JARID2: variants seen among roughly 807,000 people sequenced by gnomAD.
JARID2 encodes jumonji and AT-rich interaction domain containing 2.
JARID2 carries 21 observed loss-of-function variants against 125.6 expected under a neutral mutation model. The ratio of observed to expected loss-of-function variants is 0.17; its 90% CI spans 0.12 to 0.24. JARID2 has a LOEUF of 0.24. JARID2 is among the 10% of genes least tolerant of loss of function. The probability of loss-of-function intolerance (pLI) is 1.00; values close to 1 mark genes in which losing one functional copy is unlikely to be tolerated. For synonymous variants in JARID2, 736 were observed against 661.6 expected (o/e 1.11, Z -1.73); for missense variants, 1,303 against 1,639.6 (o/e 0.79, Z 3.55).
chr6:15,349,221 T>G (rs1763346636), intron 1 of JARID2, among the ~76,000 whole-genome samples: 1 of 152,180 alleles, frequency 6.6e-6, no homozygotes. Context: ...CTAATTGCTA[T>G]ATTAGGTTTT....
At chr6:15,464,834 A>G (rs1768633638) in intron 4 of JARID2, among the ~76,000 whole-genome samples, 1 of 152,184 alleles carries the variant, frequency 6.6e-6, no homozygotes, top group Admixed American at 6.5e-5. Flanking sequence ...TTACCTGAAT[A>G]GAAGCAGAAT....
chr6:15,421,110 C>T (rs1288961829), intron 3 of JARID2, among the ~76,000 whole-genome samples: 7 of 152,096 alleles, frequency 4.6e-5, no homozygotes, highest in East Asian at 1.9e-4. Flanking sequence ...TTCTCAACCC[C>T]GGCTCTGCTT....
In JARID2 at chr6:15,266,740, G is replaced by A. The variant is rs535268526; in HGVS notation, c.45+20156G>A. On this transcript the variant is annotated intron_variant, in intron 1 of 17. Transcript: ENST00000341776. ...CAGGGTGAGAAACAGCTTTGTGGAC[G>A]CATATCTGATTGTGTGTGTTTGTTA... Among the ~76,000 whole-genome samples the A allele has an allele frequency of 2.0e-5, 3 of 152,264 alleles. No homozygotes were observed. In the South Asian group the frequency reaches 6.2e-4, roughly 32 times the overall value.
chr6:15,486,965 C>G (rs1227406435), intron 5 of JARID2, among the ~76,000 whole-genome samples: 1 of 152,008 alleles, frequency 6.6e-6, no homozygotes, highest in East Asian at 2.0e-4. Flanking sequence ...TAAGTGGACT[C>G]ACAGGTCCGC....
At chr6:15,483,273 T>C (rs1338759295) in intron 5 of JARID2, among the ~76,000 whole-genome samples, 1 of 152,206 alleles carries the variant, frequency 6.6e-6, no homozygotes, top group East Asian at 1.9e-4. Flanking sequence ...ATAGGAGAAG[T>C]GCTTTATGTG....
In JARID2 at chr6:15,369,077, G is replaced by T. The variant is rs145887088; in HGVS notation, c.46-5040G>T. The stretch of plus-strand genomic sequence containing the variant: ...GTCAGCTGTGGAGAGTTGTTACATG[G>T]TGTTGTCTGATAAAAGGCATGTGAT... On this transcript the variant is annotated intron_variant, in intron 1 of 17. Transcript: ENST00000341776. Among the ~76,000 whole-genome samples the T allele has an allele frequency of 9.2e-5, 14 of 152,104 alleles. No individual in the cohort carries two copies. The East Asian group carries it at 2.5e-3, about 27-fold the overall frequency.
intron 3 of JARID2, among the ~76,000 whole-genome samples, chr6:15,441,216 A>G (rs910990884): frequency 1.3e-5 from 2 of 152,192 alleles, no homozygotes; most frequent in Non-Finnish European, 2.9e-5. Context: ...GTATATTCCT[A>G]GATGTTTTCC....
intron 2 of JARID2, among the ~76,000 whole-genome samples, chr6:15,378,575 TAAAGTC>T: frequency 6.6e-6 from 1 of 152,172 alleles, no homozygotes; most frequent in Admixed American, 6.5e-5. Flanking sequence ...GTGACTTTCT[TAAAGTC>T]AAACAGGTAT....
At chr6:15,449,777 C>T (rs188358792) in intron 3 of JARID2, among the ~76,000 whole-genome samples, 5 of 151,688 alleles carry the variant, frequency 3.3e-5, no homozygotes, top group African/African-American at 9.7e-5. Context: ...ACACTTTGTC[C>T]GTTTTGGTGG....
chr6:15,249,459 A>T (rs910870339), intron 1 of JARID2, among the ~76,000 whole-genome samples: 7 of 152,210 alleles, frequency 4.6e-5, no homozygotes, highest in Non-Finnish European at 1.0e-4. Flanking sequence ...TTAAGTCTCA[A>T]GGTGCTCTGG....
intron 1 of JARID2, among the ~76,000 whole-genome samples, chr6:15,357,772 G>C (rs953511014): frequency 6.6e-6 from 1 of 152,108 alleles, no homozygotes; most frequent in Non-Finnish European, 1.5e-5. Flanking sequence ...AGCTGTTTCC[G>C]GATGCTATGT....
intron 3 of JARID2, among the ~76,000 whole-genome samples, chr6:15,419,398 A>G (rs1443656020): frequency 1.3e-5 from 2 of 152,222 alleles, no homozygotes; most frequent in Non-Finnish European, 2.9e-5. Flanking sequence ...TATAAAGTAA[A>G]TATGGGTAAA....
chr6:15,262,821 G>C (rs541407876), intron 1 of JARID2, among the ~76,000 whole-genome samples: 1 of 152,166 alleles, frequency 6.6e-6, no homozygotes, highest in African/African-American at 2.4e-5. Context: ...GAGCCACCGT[G>C]CCCGGCCCGT....
At chr6:15,489,196 T>C (rs1271248815) in intron 6 of JARID2, among the ~76,000 whole-genome samples, 1 of 152,246 alleles carries the variant, frequency 6.6e-6, no homozygotes, top group Non-Finnish European at 1.5e-5. Context: ...AAGTTGTTTT[T>C]GTTTATCTTC....
At chr6:15,500,104 C>T (rs1204064468) in intron 7 of JARID2, among the ~76,000 whole-genome samples, 2 of 152,074 alleles carry the variant, frequency 1.3e-5, no homozygotes, top group African/African-American at 2.4e-5. Flanking sequence ...TTATTTGGCC[C>T]GAGGGAGGTT....
chr6:15,377,709 TC>T (rs763322350), intron 2 of JARID2, among the ~76,000 whole-genome samples: 3 of 151,878 alleles, frequency 2.0e-5, no homozygotes, highest in Middle Eastern at 6.8e-3. Flanking sequence ...TTTTTTTTTA[TC>T]TTTAGTAGGG....
At chr6:15,297,488 C>CT (rs35578901) in intron 1 of JARID2, among the ~76,000 whole-genome samples, 2,331 of 143,304 alleles carry the variant, frequency 0.016, 27 homozygotes, top group Admixed American at 0.046. Context: ...ATACAGCACT[C>CT]TTTTTTTTTT....
chr6:15,403,575 C>T (rs1477465241), intron 2 of JARID2, among the ~76,000 whole-genome samples: 2 of 152,096 alleles, frequency 1.3e-5, no homozygotes, highest in African/African-American at 4.8e-5. Context: ...TTACTTGTTT[C>T]TGAAATAGGA....
At chr6:15,425,042 G>A (rs1335902135) in intron 3 of JARID2, among the ~76,000 whole-genome samples, 1 of 152,112 alleles carries the variant, frequency 6.6e-6, no homozygotes, top group Non-Finnish European at 1.5e-5. Context: ...GAACACTGAG[G>A]CACAGAAGAC....
Sources: allele counts gnomAD v4.1 joint callset (sites outside exome capture counted in the v4.1 genomes callset), GRCh38; gene constraint gnomAD v4.1.1; transcripts MANE v1.5; gene names NCBI Gene and HGNC (gene_info 2026-07-23, HGNC 2026-07-21).